CFAP20DC: variants seen among roughly 807,000 people sequenced by gnomAD.
CFAP20DC encodes the protein protein CFAP20DC.
CFAP20DC carries 84 observed loss-of-function variants against 101.7 expected under a neutral mutation model. The observed-to-expected ratio is 0.83, with a 90% confidence interval of 0.69 to 0.99. The LOEUF is 0.99. Among genes scored for constraint, CFAP20DC ranks in the 50% least tolerant of loss-of-function variants. CFAP20DC has a pLI of 0.00. For missense variants in CFAP20DC, 1,007 were observed against 970.3 expected, an observed-to-expected ratio of 1.04 and a Z score of -0.50; for synonymous variants, 359 against 351.2, an observed-to-expected ratio of 1.02 and a Z score of -0.25.
At chr3:58,716,328 A>T (rs1023011059), downstream of CFAP20DC, among the ~76,000 whole-genome samples, 3 of 149,974 alleles carry the variant, frequency 2.0e-5, no homozygotes, top group Non-Finnish European at 3.0e-5. Flanking sequence ...CGCCCGGCTA[A>T]TTTTTTTTGT....
chr3:58,794,326 A>T (rs2073075961), intron 15 of CFAP20DC: 1 of 455,946 alleles, frequency 2.2e-6, no homozygotes. Context: ...CAAAGGACCT[A>T]AAGGCTTTTA....
At chr3:58,937,571 C>A in intron 5 of CFAP20DC, 77 bp downstream of exon 5, 1 of 884,962 alleles carries the variant, frequency 1.1e-6, no homozygotes, top group South Asian at 1.4e-5. Context: ...CAAAGTACCT[C>A]ACATATGGAG....
At chr3:58,831,228 A>G (rs546696705) in intron 14 of CFAP20DC, among the ~76,000 whole-genome samples, 3 of 152,344 alleles carry the variant, frequency 2.0e-5, no homozygotes, top group African/African-American at 7.2e-5. Context: ...ACAGGGAGCA[A>G]TCAGTGAACA....
intron 4 of CFAP20DC, among the ~76,000 whole-genome samples, chr3:58,990,754 G>GGTGTGTGT (rs71091398): frequency 0.014 from 2,041 of 144,016 alleles, 58 homozygotes; most frequent in African/African-American, 0.048. Flanking sequence ...ATGCTCAGCT[G>GGTGTGTGT]GTGTGTGTGT....
Position 58,863,252 on chromosome 3 carries a change from T to C in CFAP20DC, c.1593+306A>G, listed in dbSNP as rs1163948386. 7.3e-7 allele frequency: 1 copy of C among 1,377,592 alleles called. No homozygotes were observed. The highest frequency in any genetic ancestry group is 1.5e-5 in the African/African-American group (1 of 68,330). 85.3% of individuals were successfully genotyped at this position (1,377,592 alleles called of 1,614,324 possible). ...TCTCAGTGTTTTACTGGTCTTGCTA[T>C]CATAGCACTAAACTGCATATCGTTT... On this transcript the variant is annotated intron_variant, in intron 12 of 16. Coordinates refer to ENST00000482387, the MANE Select transcript of CFAP20DC (RefSeq NM_001394063.1). The surrounding 1 kb of genome is among the most constrained non-coding windows in gnomAD (Gnocchi z 5.9).
At chr3:58,877,396 T>C (rs2080841278) in intron 7 of CFAP20DC, among the ~76,000 whole-genome samples, 1 of 152,228 alleles carries the variant, frequency 6.6e-6, no homozygotes, top group African/African-American at 2.4e-5. Flanking sequence ...AGGTTCTAAG[T>C]GTGTTTAACA....
At chr3:58,935,184 GA>G (rs2107735033) in intron 5 of CFAP20DC, among the ~76,000 whole-genome samples, 1 of 152,298 alleles carries the variant, frequency 6.6e-6, no homozygotes, top group East Asian at 1.9e-4. Flanking sequence ...TTGCTTCAAA[GA>G]GAAGAAAACA....
chr3:58,919,862 A>G (rs1320368783), intron 5 of CFAP20DC, among the ~76,000 whole-genome samples: 1 of 151,974 alleles, frequency 6.6e-6, no homozygotes, highest in Non-Finnish European at 1.5e-5. Flanking sequence ...ATATGCTGTC[A>G]CTCTGCTAAA....
At chr3:58,784,067 C>T (rs1003559352) in intron 15 of CFAP20DC, among the ~76,000 whole-genome samples, 48 of 150,974 alleles carry the variant, frequency 3.2e-4, no homozygotes, top group African/African-American at 1.0e-3. Flanking sequence ...TTTAAGACAG[C>T]GCCTTACTCT....
intron 6 of CFAP20DC, among the ~76,000 whole-genome samples, chr3:58,905,650 A>G (rs113531283): frequency 4.6e-5 from 7 of 152,312 alleles, no homozygotes; most frequent in African/African-American, 1.7e-4. Context: ...GACTGAAATG[A>G]TAGCAGTTTA....
chr3:58,848,518 G>A (rs2077928281), intron 13 of CFAP20DC, among the ~76,000 whole-genome samples: 3 of 152,142 alleles, frequency 2.0e-5, no homozygotes, highest in Admixed American at 2.0e-4. Flanking sequence ...CAATCTGATG[G>A]ACACGAATAC....
chr3:58,931,445 A>T (rs1200068345), intron 5 of CFAP20DC, among the ~76,000 whole-genome samples: 5 of 152,168 alleles, frequency 3.3e-5, no homozygotes, highest in Admixed American at 1.3e-4. Context: ...ACAGCTGGAG[A>T]TCTAAGAACG....
intron 14 of CFAP20DC, among the ~76,000 whole-genome samples, chr3:58,807,937 TGTGATCAACTG>T (rs543621243): frequency 1.0e-3 from 152 of 152,224 alleles, no homozygotes; most frequent in African/African-American, 3.4e-3. Context: ...CAGGAGCCCA[TGTGATCAACTG>T]GAAGAAAGGG....
rs1007823225 is a variant in CFAP20DC, at chr3:58,742,292, T to C, written c.*168A>G. The C allele has an allele frequency of 6.6e-6, 8 of 1,213,960 alleles. No individual in the cohort carries two copies. The African/African-American group carries it at 9.4e-5, about 14-fold the overall frequency. 75.2% of individuals were successfully genotyped at this position (1,213,960 alleles called of 1,614,324 possible). ...AAATCATACTCATCTACAAAAGGAA[T>C]ATAGGTATTCTTAACGTTGAACATT... is the stretch of plus-strand genomic sequence containing the variant. On this transcript the variant is annotated 3_prime_UTR_variant, in exon 17 of 17. Transcript: ENST00000482387.
intron 5 of CFAP20DC, among the ~76,000 whole-genome samples, chr3:58,922,557 C>T (rs2085502277): frequency 6.6e-6 from 1 of 152,024 alleles, no homozygotes; most frequent in Non-Finnish European, 1.5e-5. Context: ...TCTGACAATG[C>T]CTCCTCTTTC....
At chr3:58,779,073 T>C (rs1397593572) in intron 15 of CFAP20DC, among the ~76,000 whole-genome samples, 2 of 152,000 alleles carry the variant, frequency 1.3e-5, no homozygotes, top group Admixed American at 6.6e-5. Context: ...TAAAGAAATA[T>C]GACAACTCCA....
At chr3:58,811,158 C>T (rs2074593333) in intron 14 of CFAP20DC, among the ~76,000 whole-genome samples, 2 of 152,150 alleles carry the variant, frequency 1.3e-5, no homozygotes, top group Admixed American at 6.5e-5. Flanking sequence ...CAATGCCATC[C>T]CCATCAAGCT....
intron 14 of CFAP20DC, among the ~76,000 whole-genome samples, chr3:58,822,586 A>T (rs1316809759): frequency 6.6e-6 from 1 of 151,964 alleles, no homozygotes; most frequent in Non-Finnish European, 1.5e-5. Flanking sequence ...TTAAAGTATA[A>T]TAAAAAAAAA....
chr3:58,790,233 C>T (rs1388839610), intron 15 of CFAP20DC, among the ~76,000 whole-genome samples: 1 of 152,160 alleles, frequency 6.6e-6, no homozygotes, highest in Non-Finnish European at 1.5e-5. Context: ...ATACCCATGG[C>T]TCAGTTTGTC....
Sources: allele counts gnomAD v4.1 joint callset (sites outside exome capture counted in the v4.1 genomes callset), GRCh38; gene constraint gnomAD v4.1.1; non-coding constraint Gnocchi (gnomAD v3.1); transcripts MANE v1.5; gene names NCBI Gene and HGNC (gene_info 2026-07-23, HGNC 2026-07-21).